The following BABAM2 variants were observed in gnomAD, a reference collection of about 807,000 sequenced individuals.
BABAM2 encodes BRISC and BRCA1-A complex member 2.
A neutral mutation model predicts 54.7 loss-of-function variants in BABAM2; 31 were observed. The ratio of observed to expected loss-of-function variants is 0.57; its 90% CI spans 0.43 to 0.77. The LOEUF is 0.77. BABAM2 is among the 30% of genes least tolerant of loss of function. BABAM2 has a pLI of 0.00. For missense variants in BABAM2, 364 were observed against 455.8 expected (o/e 0.80, Z 1.83); for synonymous variants, 167 against 162.9 (o/e 1.03, Z -0.19).
chr2:27,946,062 C>A (rs1388246499), intron 3 of BABAM2, among the ~76,000 whole-genome samples: 1 of 152,076 alleles, frequency 6.6e-6, no homozygotes, highest in Non-Finnish European at 1.5e-5. Context: ...TACCTAATAG[C>A]CAGTGGCAGG....
chr2:27,910,131 ATTGT>A (rs1371667429), intron 2 of BABAM2, among the ~76,000 whole-genome samples: 2 of 152,042 alleles, frequency 1.3e-5, no homozygotes, highest in African/African-American at 2.4e-5. Flanking sequence ...GCTTTTATTT[ATTGT>A]TTGTTTGTTA....
At chr2:28,184,285 T>TCCCC (rs70956004) in intron 7 of BABAM2, among the ~76,000 whole-genome samples, 2 of 102,208 alleles carry the variant, frequency 2.0e-5, no homozygotes, top group South Asian at 4.2e-4. Context: ...TCTCTCTCTC[T>TCCCC]CCCCCCCTCC....
At chr2:28,158,932 G>C (rs530145882) in intron 7 of BABAM2, among the ~76,000 whole-genome samples, 1 of 152,292 alleles carries the variant, frequency 6.6e-6, no homozygotes, top group African/African-American at 2.4e-5. Context: ...AAGCTGTCTG[G>C]CGGCCTTGAT....
chr2:28,200,570 C>T (rs550190959), intron 7 of BABAM2, among the ~76,000 whole-genome samples: 7 of 152,296 alleles, frequency 4.6e-5, no homozygotes, highest in East Asian at 3.9e-4. Flanking sequence ...AGCAATTAAT[C>T]GGCTTTGTCA....
chr2:28,183,038 C>A (rs1558414108), intron 7 of BABAM2, among the ~76,000 whole-genome samples: 1 of 152,152 alleles, frequency 6.6e-6, no homozygotes, highest in Admixed American at 6.5e-5. Context: ...AAAGTAGGGA[C>A]CAGATCCTGA....
At chr2:28,280,062 AT>A (rs879941037) in intron 10 of BABAM2, among the ~76,000 whole-genome samples, 218 of 143,852 alleles carry the variant, frequency 1.5e-3, no homozygotes, top group East Asian at 2.0e-3. Context: ...ATCATAACTA[AT>A]TTTTTTTTTT....
intron 6 of BABAM2, among the ~76,000 whole-genome samples, chr2:28,108,966 G>A (rs924950753): frequency 1.3e-5 from 2 of 151,832 alleles, no homozygotes; most frequent in Admixed American, 6.6e-5. Flanking sequence ...TTCTCCCTTC[G>A]TAAATTTGTG....
At chr2:28,192,314 G>A (rs917891949) in intron 7 of BABAM2, among the ~76,000 whole-genome samples, 1 of 152,046 alleles carries the variant, frequency 6.6e-6, no homozygotes, top group African/African-American at 2.4e-5. Flanking sequence ...GATTACAGGC[G>A]TGAGCCACTG....
At chr2:28,288,366 C>T (rs1195248809) in intron 10 of BABAM2, among the ~76,000 whole-genome samples, 2 of 149,830 alleles carry the variant, frequency 1.3e-5, no homozygotes, top group Admixed American at 6.7e-5. Flanking sequence ...TGCTCTGTCA[C>T]CAAGGCTGGA....
At chr2:27,911,765 A>C (rs1017283621) in intron 2 of BABAM2, among the ~76,000 whole-genome samples, 1 of 151,974 alleles carries the variant, frequency 6.6e-6, no homozygotes, top group Non-Finnish European at 1.5e-5. Context: ...TCCTAACTAG[A>C]CTCTTCATAA....
At chr2:27,942,341 A>G (rs552735803) in intron 3 of BABAM2, among the ~76,000 whole-genome samples, 1 of 152,098 alleles carries the variant, frequency 6.6e-6, no homozygotes, top group African/African-American at 2.4e-5. Context: ...GCTTTGTTAT[A>G]CCGTGCTATT....
chr2:27,967,176 G>A (rs913243593), intron 3 of BABAM2, among the ~76,000 whole-genome samples: 2 of 152,246 alleles, frequency 1.3e-5, no homozygotes, highest in African/African-American at 4.8e-5. Context: ...AAGATGATAC[G>A]GTTTGGCTGT....
chr2:28,045,339 T>A (rs542239823), intron 5 of BABAM2, among the ~76,000 whole-genome samples: 2 of 152,286 alleles, frequency 1.3e-5, no homozygotes, highest in South Asian at 4.1e-4. Flanking sequence ...ATTAGTGATG[T>A]GGTCTGAATG....
chr2:28,212,484 A>G (rs1366762952), intron 7 of BABAM2, among the ~76,000 whole-genome samples: 1 of 152,176 alleles, frequency 6.6e-6, no homozygotes, highest in Non-Finnish European at 1.5e-5. Context: ...AGTCCCAGAT[A>G]ATTACATTTT....
At chr2:28,081,235 C>T (rs1665144898) in intron 6 of BABAM2, among the ~76,000 whole-genome samples, 2 of 152,160 alleles carry the variant, frequency 1.3e-5, no homozygotes, top group African/African-American at 4.8e-5. Context: ...TAACTCTCCC[C>T]AGGGCAAAGC....
At chr2:28,337,019 T>C (rs1691527078) in intron 11 of BABAM2, among the ~76,000 whole-genome samples, 1 of 152,084 alleles carries the variant, frequency 6.6e-6, no homozygotes, top group South Asian at 2.1e-4. Context: ...CTAAATGAAA[T>C]GGACTGTGGG....
chr2:27,892,539 A>C (rs1234616823), intron 1 of BABAM2: 2 of 152,226 alleles, frequency 1.3e-5, no homozygotes, highest in Admixed American at 6.5e-5. Flanking sequence ...TGACATAGAC[A>C]TGAAGGTGGA....
At chr2:28,150,120 C>T (rs746409444) in intron 7 of BABAM2, among the ~76,000 whole-genome samples, 5 of 152,148 alleles carry the variant, frequency 3.3e-5, no homozygotes, top group Non-Finnish European at 7.4e-5. Context: ...AGGTGCTTTG[C>T]ATATAGAATC....
In BABAM2 at chr2:28,045,753, T is replaced by C. The variant is rs750266541; in HGVS notation, c.524T>C (p.Leu175Ser). 1 of 1,611,786 alleles carries C rather than the reference T, an allele frequency of 6.2e-7. No individual in the cohort carries two copies. Among genetic ancestry groups the C allele is most frequent in the South Asian group, 1.1e-5 (1 of 90,722 alleles). Residue 175 changes from leucine to serine, a missense_variant, in exon 6 of 12, where the codon TTG becomes TCG. Physicochemically the swap from Leu to Ser is moderately radical, Grantham distance 145 (BLOSUM62 -2). Transcript: ENST00000379624. ...GGTGAATTTTCAGCTCGTTTCCTTT[T>C]GAAGCTGCCCGTAGATTTCAGCAAT... ...WTGEFSARFL[L>S]KLPVDFSNIP...
Sources: allele counts gnomAD v4.1 joint callset (sites outside exome capture counted in the v4.1 genomes callset), GRCh38; gene constraint gnomAD v4.1.1; transcripts MANE v1.5; gene names NCBI Gene and HGNC (gene_info 2026-07-23, HGNC 2026-07-21).